Variants in C3orf20 observed in about 807,000 individuals in gnomAD.
C3orf20 encodes the protein uncharacterized protein C3orf20.
A neutral mutation model predicts 88.3 loss-of-function variants in C3orf20; 76 were observed. That is an observed-to-expected ratio of 0.86 (90% CI 0.72 to 1.04). The LOEUF is 1.04. C3orf20 is among the 50% of genes least tolerant of loss of function. C3orf20 has a pLI of 0.00. For missense variants in C3orf20, 1,056 were observed against 1,123.3 expected (o/e 0.94, Z 0.86); for synonymous variants, 436 against 437.4 (o/e 1.00, Z 0.04).
chr3:14,740,078 C>CT (rs2034855842), intron 12 of C3orf20, among the ~76,000 whole-genome samples: 1 of 152,038 alleles, frequency 6.6e-6, no homozygotes, highest in African/African-American at 2.4e-5. Flanking sequence ...TGAACTTTTT[C>CT]TTTGCATTCA....
intron 15 of C3orf20, chr3:14,767,494 G>T (rs974875371): frequency 3.9e-5 from 6 of 152,414 alleles, no homozygotes; most frequent in South Asian, 2.1e-4. Flanking sequence ...TGGGATGGGG[G>T]TGTAGTTCTT....
Position 14,682,869 on chromosome 3 carries a change from A to G in C3orf20, c.156A>G (p.Glu52=). 1.2e-6 allele frequency: 2 copies of G among 1,614,230 alleles called. No individual in the cohort carries two copies. The highest frequency in any genetic ancestry group is 1.7e-6 in the Non-Finnish European group (2 of 1,180,020). ...GIRNIFEFTW[E]ELISDPSVPT... ...GAAACATCTTTGAGTTCACTTGGGA[A>G]GAGCTCATCAGTGACCCTTCAGTGC... The change falls in exon 3 of 17, where the codon GAA becomes GAG. Residue 52 remains glutamate (E), a synonymous_variant. Coordinates refer to ENST00000253697, the MANE Select transcript of C3orf20 (RefSeq NM_032137.5).
chr3:14,737,104 GTAATTTTCAT>G (rs2125002871), intron 12 of C3orf20, among the ~76,000 whole-genome samples: 1 of 152,126 alleles, frequency 6.6e-6, no homozygotes, highest in African/African-American at 2.4e-5. Context: ...GTGCCTAAAT[GTAATTTTCAT>G]TGTACTTATC....
At position 14,772,168 on chromosome 3, in the gene C3orf20, A is replaced by T; in HGVS notation, c.2597A>T (p.Tyr866Phe). 1 of 1,614,226 alleles carries T rather than the reference A, an allele frequency of 6.2e-7. No individual in the cohort carries two copies. Among genetic ancestry groups the T allele is most frequent in the Non-Finnish European group, 8.5e-7 (1 of 1,180,032 alleles). ...AGCTCCTCATTGGCCCTGGAAGACT[A>T]TGTGGAGAAGGAGTTATCTCTGGAG... ...GSSSSLALED[Y>F]VEKELSLEAE... Residue 866 changes from tyrosine to phenylalanine, a missense_variant, in exon 16 of 17, where the codon TAT becomes TTT. Coordinates refer to ENST00000253697, the MANE Select transcript of C3orf20 (RefSeq NM_032137.5). The surrounding 1 kb of genome is among the most constrained non-coding windows in gnomAD (Gnocchi z 4.2).
At position 14,678,485 on chromosome 3, in the gene C3orf20, G is replaced by A. The variant is rs186701642; in HGVS notation, c.-299+3233G>A. Among the ~76,000 whole-genome samples, 1,445 of 152,266 alleles carry A rather than the reference G, an allele frequency of 9.5e-3. 83 individuals carry two copies. Among genetic ancestry groups the A allele is most frequent in the Admixed American group, 0.09 (1,381 of 15,288 alleles). On this transcript the variant is annotated intron_variant, in intron 1 of 16. Coordinates refer to ENST00000253697, the MANE Select transcript of C3orf20 (RefSeq NM_032137.5). ...TGTGTGTGTGTCTCCCCTCTCTACT[G>A]TGAGCCCCTCGAGAGCAGGGCCCAT...
At chr3:14,681,807 A>AT (rs1356871512) in intron 1 of C3orf20, among the ~76,000 whole-genome samples, 21 of 152,248 alleles carry the variant, frequency 1.4e-4, no homozygotes, top group Admixed American at 9.2e-4. Context: ...TTTTCTAGCC[A>AT]TTTTTTTGCT....
intron 1 of C3orf20, among the ~76,000 whole-genome samples, chr3:14,677,039 T>G (rs2031808970): frequency 6.6e-6 from 1 of 152,206 alleles, no homozygotes; most frequent in Non-Finnish European, 1.5e-5. Flanking sequence ...GAGGGCTGAT[T>G]CTCAGACCTG....
intron 12 of C3orf20, among the ~76,000 whole-genome samples, chr3:14,732,832 G>A (rs534864979): frequency 9.4e-4 from 137 of 145,414 alleles, no homozygotes; most frequent in African/African-American, 3.2e-3. Flanking sequence ...TATAGTTTAT[G>A]TTTTATATTT....
chr3:14,766,049 C>G (rs562665518), intron 15 of C3orf20, among the ~76,000 whole-genome samples: 2 of 152,292 alleles, frequency 1.3e-5, no homozygotes, highest in East Asian at 3.9e-4. Context: ...GTGGCGGGCC[C>G]AGTGGGCTGC....
chr3:14,730,713 G>C (rs1391541093), intron 12 of C3orf20, among the ~76,000 whole-genome samples: 1 of 152,184 alleles, frequency 6.6e-6, no homozygotes, highest in African/African-American at 2.4e-5. Context: ...TCAGCTTCTA[G>C]TACAGACTGT....
At chr3:14,755,962 G>A (rs1470620485) in intron 12 of C3orf20, among the ~76,000 whole-genome samples, 1 of 149,200 alleles carries the variant, frequency 6.7e-6, no homozygotes, top group Non-Finnish European at 1.5e-5. Context: ...CCGGGAGGCG[G>A]AGCTTACAGT....
At chr3:14,733,750 G>A (rs1559429048) in intron 12 of C3orf20, among the ~76,000 whole-genome samples, 1 of 151,554 alleles carries the variant, frequency 6.6e-6, no homozygotes, top group Non-Finnish European at 1.5e-5. Flanking sequence ...GTGCAATGGA[G>A]CCATCTTGGC....
rs148874742 is a variant in C3orf20 at position 14,755,202 on chromosome 3, A to G, written c.1941-2169A>G. Among the ~76,000 whole-genome samples the G allele has an allele frequency of 4.6e-3, 694 of 151,210 alleles. 5 individuals are homozygous for G. The highest frequency in any genetic ancestry group is 0.016 in the African/African-American group (661 of 41,214). On this transcript the variant is annotated intron_variant, in intron 12 of 16. Transcript: ENST00000253697. The stretch of plus-strand genomic sequence containing the variant: ...TTTCAAATATGTTTCTCGGTTTGTC[A>G]TTTGTCTTTCATCTTTGGTTATGAT...
rs2035399561 is a variant in C3orf20, at chr3:14,757,225, C to G, written c.1941-146C>G. 19 of 665,468 alleles carry G rather than the reference C, an allele frequency of 2.9e-5. No individual in the cohort carries two copies. In the South Asian group the frequency reaches 3.2e-4, roughly 11 times the overall value. The allele number at this position is 665,468 out of a possible 1,614,324, so 41.2% of individuals were successfully genotyped here. A position where few individuals can be genotyped will look rare whatever the true frequency, so the allele number is the denominator to read the frequency against. ...GCCCAGAGAGGTTAGGGGACCTGTTCAAGGTGGTGCAGCACATTGGCAGCA... is the reference window on the plus strand; with the variant it reads ...GCCCAGAGAGGTTAGGGGACCTGTTGAAGGTGGTGCAGCACATTGGCAGCA... On this transcript the variant is annotated intron_variant, in intron 12 of 16. Coordinates refer to ENST00000253697, the MANE Select transcript of C3orf20 (RefSeq NM_032137.5).
In C3orf20 at chr3:14,772,838, A is replaced by G. The variant is rs867909973; in HGVS notation, c.2678A>G (p.Lys893Arg). 7 of 1,613,968 alleles carry G rather than the reference A, an allele frequency of 4.3e-6. No homozygotes were observed. The African/African-American group carries it at 6.7e-5, about 15-fold the overall frequency. Residue 893 changes from lysine to arginine, a missense_variant, in exon 17 of 17, where the codon AAG becomes AGG. Transcript: ENST00000253697. This position sits in a 1 kb window ranked among gnomAD's most constrained non-coding sequence, Gnocchi z 4.2. ...CTACATCCTCTCAGCAGGGACAGCA[A>G]GATAACTAGTTGGAAGAAGCAGGCC... ...VELHPLSRDS[K>R]ITSWKKQASK...
At chr3:14,741,718 AC>A (rs2034905086) in intron 12 of C3orf20, among the ~76,000 whole-genome samples, 1 of 152,226 alleles carries the variant, frequency 6.6e-6, no homozygotes, top group Non-Finnish European at 1.5e-5. Context: ...TGGCGGTGTT[AC>A]AGCTCTGGCA....
chr3:14,749,922 G>A (rs372960393), intron 12 of C3orf20, among the ~76,000 whole-genome samples: 7 of 150,560 alleles, frequency 4.6e-5, no homozygotes, highest in Middle Eastern at 3.4e-3. Context: ...TATAAAAAAC[G>A]TCTTTATGCA....
At position 14,684,513 on chromosome 3, in the gene C3orf20, A is replaced by AT. The variant is rs2032293448; in HGVS notation, c.625+135dup. The AT allele has an allele frequency of 4.1e-6, 5 of 1,230,308 alleles. No individual in the cohort carries two copies. The African/African-American group carries it at 4.6e-5, about 11-fold the overall frequency. 76.2% of individuals were successfully genotyped at this position (1,230,308 alleles called of 1,614,324 possible). Reference sequence around the variant, plus strand: ...TTGAGGTGGATGTGGAGCAACAGGGATTTTCAAATGCTACAGGTGAGTGGA... The same window carrying AT: ...TTGAGGTGGATGTGGAGCAACAGGGATTTTTCAAATGCTACAGGTGAGTGGA... On this transcript the variant is annotated intron_variant, in intron 4 of 16. Coordinates refer to ENST00000253697, the MANE Select transcript of C3orf20 (RefSeq NM_032137.5).
chr3:14,753,297 A>G (rs1021762363), intron 12 of C3orf20, among the ~76,000 whole-genome samples: 1 of 152,190 alleles, frequency 6.6e-6, no homozygotes, highest in African/African-American at 2.4e-5. Context: ...ATGAGAACAC[A>G]TGGACATAGG....
Sources: gnomAD v4.1 joint callset for allele counts (sites outside exome capture counted in the v4.1 genomes callset) on GRCh38, gnomAD v4.1.1 for gene constraint, Gnocchi (gnomAD v3.1) non-coding constraint, MANE v1.5 for transcripts, NCBI Gene and HGNC (gene_info 2026-07-23, HGNC 2026-07-21) for gene names.